The following GMDS variants were observed in gnomAD, a reference collection of about 807,000 sequenced individuals.
GMDS encodes the protein GDP-mannose 4,6 dehydratase.
Under a neutral mutation model 49.9 loss-of-function variants are expected in GMDS, and 20 were observed. The observed-to-expected ratio is 0.40, with a 90% CI of 0.28 to 0.58. GMDS has a LOEUF of 0.58. Ranked by LOEUF, GMDS falls within the 20% of genes least tolerant of loss-of-function variation. The probability of loss-of-function intolerance (pLI) is 0.42; values close to 1 mark genes in which losing one functional copy is unlikely to be tolerated. For synonymous variants in GMDS, 177 were observed against 178.6 expected, an observed-to-expected ratio of 0.99 and a Z score of 0.07; for missense variants, 362 against 481.4, an observed-to-expected ratio of 0.75 and a Z score of 2.32.
At chr6:2,129,741 T>G (rs1331371390) in intron 1 of GMDS, among the ~76,000 whole-genome samples, 1 of 152,192 alleles carries the variant, frequency 6.6e-6, no homozygotes, top group Non-Finnish European at 1.5e-5. Context: ...ACACAAACAC[T>G]TCAATGATTA....
chr6:2,233,197 A>G (rs1464714550), intron 1 of GMDS, among the ~76,000 whole-genome samples: 1 of 152,186 alleles, frequency 6.6e-6, no homozygotes, highest in Non-Finnish European at 1.5e-5. Context: ...ATTACTCAGT[A>G]CTTTTGTTCT....
intron 4 of GMDS, among the ~76,000 whole-genome samples, chr6:2,079,019 C>CTTTTT (rs386405902): frequency 2.6e-4 from 9 of 33,986 alleles, no homozygotes; most frequent in African/African-American, 5.0e-4. Flanking sequence ...ATGACCTTGT[C>CTTTTT]TTTTTTTTTT....
chr6:2,028,921 G>A (rs116399376), intron 4 of GMDS, among the ~76,000 whole-genome samples: 1 of 152,024 alleles, frequency 6.6e-6, no homozygotes, highest in African/African-American at 2.4e-5. Flanking sequence ...TGTTTTGGGA[G>A]CAAAGCATAC....
At chr6:1,809,533 C>T (rs936884895) in intron 7 of GMDS, among the ~76,000 whole-genome samples, 8 of 152,100 alleles carry the variant, frequency 5.3e-5, no homozygotes, top group Admixed American at 2.0e-4. Context: ...ATTCCCAAGG[C>T]GATTCTTTCT....
At chr6:1,666,267 C>A (rs1383256602) in intron 9 of GMDS, among the ~76,000 whole-genome samples, 1 of 152,188 alleles carries the variant, frequency 6.6e-6, no homozygotes, top group African/African-American at 2.4e-5. Flanking sequence ...CACCACAGTA[C>A]CTGCATCCCC....
chr6:2,206,886 G>T (rs1000162453), intron 1 of GMDS, among the ~76,000 whole-genome samples: 2 of 152,166 alleles, frequency 1.3e-5, no homozygotes, highest in African/African-American at 2.4e-5. Flanking sequence ...CCTGTTATCT[G>T]AAATTACTCC....
chr6:1,976,609 C>G (rs1383844135), intron 4 of GMDS, among the ~76,000 whole-genome samples: 1 of 151,756 alleles, frequency 6.6e-6, no homozygotes, highest in Non-Finnish European at 1.5e-5. Flanking sequence ...ATGTAACAAA[C>G]CTGATATAAG....
chr6:1,921,931 T>C lies in GMDS; in HGVS notation c.771+8172A>G, dbSNP rs537421509. Among the ~76,000 whole-genome samples the C allele has an allele frequency of 4.6e-5, 7 of 152,188 alleles. No individual in the cohort carries two copies. The South Asian group carries it at 1.5e-3, about 32-fold the overall frequency. ...AATAGCAATACCTCACTAATCAATATAAAAAGTCAAAATAAAAAATCGATG... is the reference window on the plus strand; with the variant it reads ...AATAGCAATACCTCACTAATCAATACAAAAAGTCAAAATAAAAAATCGATG... On this transcript the variant is annotated intron_variant, in intron 7 of 10. Transcript: ENST00000380815.
At chr6:1,821,782 GTT>G (rs1770912902) in intron 7 of GMDS, among the ~76,000 whole-genome samples, 1 of 151,978 alleles carries the variant, frequency 6.6e-6, no homozygotes, top group South Asian at 2.1e-4. Flanking sequence ...AGAAGACCTA[GTT>G]TTTTCCCCAA....
chr6:2,183,735 T>G (rs1398968858), intron 1 of GMDS, among the ~76,000 whole-genome samples: 3 of 152,278 alleles, frequency 2.0e-5, no homozygotes, highest in Admixed American at 2.0e-4. Context: ...ACTTTATTAT[T>G]GTCTTATTGT....
At chr6:2,149,553 A>C (rs1776743559) in intron 1 of GMDS, among the ~76,000 whole-genome samples, 1 of 152,224 alleles carries the variant, frequency 6.6e-6, no homozygotes. Flanking sequence ...GGAGCAGAGC[A>C]GCTGTCCCAA....
chr6:1,729,243 C>G (rs1003135535), intron 8 of GMDS, among the ~76,000 whole-genome samples: 13 of 152,274 alleles, frequency 8.5e-5, no homozygotes, highest in African/African-American at 2.2e-4. Flanking sequence ...AGAAACACTC[C>G]CTCTCTGAGG....
intron 1 of GMDS, among the ~76,000 whole-genome samples, chr6:2,225,981 A>G (rs1472202744): frequency 2.0e-5 from 3 of 152,056 alleles, no homozygotes; most frequent in Non-Finnish European, 2.9e-5. Context: ...CTCTGCTCCC[A>G]TTCCAGCCCC....
chr6:2,063,985 T>A (rs1463743484), intron 4 of GMDS, among the ~76,000 whole-genome samples: 1 of 152,234 alleles, frequency 6.6e-6, no homozygotes, highest in Non-Finnish European at 1.5e-5. Context: ...TATAACTACA[T>A]GCCCAAGTGT....
At chr6:2,199,564 C>G (rs1220685977) in intron 1 of GMDS, among the ~76,000 whole-genome samples, 1 of 152,198 alleles carries the variant, frequency 6.6e-6, no homozygotes, top group Admixed American at 6.5e-5. Flanking sequence ...TTCTAGAATA[C>G]AGCCTACTCA....
intron 7 of GMDS, among the ~76,000 whole-genome samples, chr6:1,865,535 A>G (rs1758401816): frequency 6.6e-6 from 1 of 152,222 alleles, no homozygotes; most frequent in South Asian, 2.1e-4. Flanking sequence ...AAAATATCCA[A>G]GCCTTCATTT....
chr6:2,109,696 G>A (rs1774437955), intron 4 of GMDS, among the ~76,000 whole-genome samples: 1 of 152,200 alleles, frequency 6.6e-6, no homozygotes, highest in South Asian at 2.1e-4. Flanking sequence ...ATAGTTTCTT[G>A]TGAGAACATT....
At chr6:1,735,280 G>A (rs891037264) in intron 8 of GMDS, among the ~76,000 whole-genome samples, 5 of 152,168 alleles carry the variant, frequency 3.3e-5, no homozygotes, top group African/African-American at 4.8e-5. Context: ...CCAAGCACCC[G>A]CTAGGTGCCA....
intron 9 of GMDS, among the ~76,000 whole-genome samples, chr6:1,671,497 A>C (rs914487717): frequency 2.0e-4 from 30 of 152,268 alleles, no homozygotes; most frequent in African/African-American, 7.2e-4. Flanking sequence ...TTCTGGGTTT[A>C]CAGTCACAAT....
Sources: gnomAD v4.1 joint callset for allele counts (sites outside exome capture counted in the v4.1 genomes callset) on GRCh38, gnomAD v4.1.1 for gene constraint, MANE v1.5 for transcripts, NCBI Gene and HGNC (gene_info 2026-07-23, HGNC 2026-07-21) for gene names.